Variants in EYA1 observed in about 807,000 individuals in gnomAD.
EYA1 encodes protein phosphatase EYA1.
Under a neutral mutation model 82.0 loss-of-function variants are expected in EYA1, and 16 were observed. That is an observed-to-expected ratio of 0.20 (90% CI 0.13 to 0.30). The LOEUF (loss-of-function observed/expected upper bound fraction) is 0.30, where lower values mean the gene tolerates loss of function less well. Among genes scored for constraint, EYA1 ranks in the 10% least tolerant of loss-of-function variants. EYA1 has a pLI of 1.00. For synonymous variants in EYA1, 261 were observed against 264.4 expected, an observed-to-expected ratio of 0.99 and a Z score of 0.12; for missense variants, 633 against 730.7, an observed-to-expected ratio of 0.87 and a Z score of 1.54.
Position 71,510,021 on chromosome 8 carries a change from C to A in EYA1, c.33+25723G>T, listed in dbSNP as rs139543855. 2.0e-5 allele frequency among the ~76,000 whole-genome samples: 3 copies of A among 150,708 alleles called. No individual in the cohort carries two copies. In the South Asian group the frequency reaches 6.3e-4, roughly 32 times the overall value. On this transcript the variant is annotated intron_variant, in intron 2 of 18. Coordinates refer to the EYA1 transcript ENST00000643681. ...GTTCTGTAATAATATAGTACCCTAC[C>A]CTCACACTATATATTATTTATTATT...
At chr8:71,508,784 C>T (rs1812384398) in intron 2 of EYA1, among the ~76,000 whole-genome samples, 1 of 152,120 alleles carries the variant, frequency 6.6e-6, no homozygotes, top group Non-Finnish European at 1.5e-5. Flanking sequence ...TTAAAGCCAC[C>T]TCATTTATGG....
intron 2 of EYA1, among the ~76,000 whole-genome samples, chr8:71,483,584 T>C (rs921037000): frequency 2.6e-5 from 4 of 151,946 alleles, no homozygotes; most frequent in African/African-American, 4.8e-5. Flanking sequence ...ACATTTTTTA[T>C]GTGGCCTCTG....
At chr8:71,309,975 C>T (rs774123857) in intron 7 of EYA1, among the ~76,000 whole-genome samples, 31 of 152,152 alleles carry the variant, frequency 2.0e-4, no homozygotes, top group Non-Finnish European at 4.3e-4. Flanking sequence ...GGAAAATAAA[C>T]AAAGCAGGGT....
At chr8:71,261,547 T>A (rs1002758736) in intron 11 of EYA1, among the ~76,000 whole-genome samples, 4 of 152,178 alleles carry the variant, frequency 2.6e-5, no homozygotes, top group African/African-American at 9.6e-5. Context: ...TGACACTCGA[T>A]TGTGTTAATT....
At chr8:71,497,208 A>G (rs1811478873) in intron 2 of EYA1, among the ~76,000 whole-genome samples, 1 of 152,228 alleles carries the variant, frequency 6.6e-6, no homozygotes, top group African/African-American at 2.4e-5. Flanking sequence ...AAGATAGCTG[A>G]TGAGCTAAAA....
chr8:71,440,034 G>A (rs1172741625), intron 2 of EYA1, among the ~76,000 whole-genome samples: 1 of 152,158 alleles, frequency 6.6e-6, no homozygotes, highest in East Asian at 1.9e-4. Context: ...ATGGCTTCTA[G>A]AGGTAGAGAT....
At chr8:71,310,570 A>G (rs530970471) in intron 7 of EYA1, among the ~76,000 whole-genome samples, 3 of 152,310 alleles carry the variant, frequency 2.0e-5, no homozygotes, top group Admixed American at 1.3e-4. Context: ...AGCTCCATCC[A>G]TGTTCCTGCA....
chr8:71,466,698 C>G (rs1290902610), intron 2 of EYA1, among the ~76,000 whole-genome samples: 1 of 151,972 alleles, frequency 6.6e-6, no homozygotes, highest in East Asian at 1.9e-4. Context: ...AAGTGGTTTT[C>G]TAAATTAAAT....
At chr8:71,314,113 T>C (rs1821645519) in intron 7 of EYA1, among the ~76,000 whole-genome samples, 1 of 152,104 alleles carries the variant, frequency 6.6e-6, no homozygotes, top group African/African-American at 2.4e-5. Flanking sequence ...TAAGATGAAA[T>C]TGATAAAAGC....
chr8:71,402,503 G>T (rs1187145940), intron 2 of EYA1, among the ~76,000 whole-genome samples: 2 of 152,174 alleles, frequency 1.3e-5, no homozygotes, highest in Admixed American at 6.5e-5. Flanking sequence ...CAAAAGAAAA[G>T]GCTTAATATT....
chr8:71,407,899 C>A (rs1830353137), intron 2 of EYA1, among the ~76,000 whole-genome samples: 1 of 149,878 alleles, frequency 6.7e-6, no homozygotes, highest in Non-Finnish European at 1.5e-5. Context: ...TTGAGAAGAG[C>A]AACTCCAAGA....
At chr8:71,432,039 T>G (rs183418372) in intron 2 of EYA1, among the ~76,000 whole-genome samples, 25 of 152,320 alleles carry the variant, frequency 1.6e-4, no homozygotes, top group Non-Finnish European at 3.4e-4. Context: ...ACACAAGATT[T>G]TCAAGATTTT....
chr8:71,412,042 T>C (rs2129141219), intron 2 of EYA1, among the ~76,000 whole-genome samples: 1 of 151,338 alleles, frequency 6.6e-6, no homozygotes, highest in African/African-American at 2.4e-5. Flanking sequence ...TGGAATACTA[T>C]GCAGCCATAA....
intron 3 of EYA1, among the ~76,000 whole-genome samples, chr8:71,339,700 G>C (rs369449231): frequency 3.3e-5 from 5 of 152,112 alleles, no homozygotes; most frequent in Admixed American, 3.3e-4. Flanking sequence ...CTTGAGCAGG[G>C]TTTAACCTAT....
chr8:71,392,590 A>G (rs979620872), intron 2 of EYA1, among the ~76,000 whole-genome samples: 1 of 152,198 alleles, frequency 6.6e-6, no homozygotes, highest in Non-Finnish European at 1.5e-5. Context: ...CTTGGCTGTC[A>G]CTGGAAATTT....
At chr8:71,213,833 C>T (rs1222456595) in intron 16 of EYA1, among the ~76,000 whole-genome samples, 6 of 152,148 alleles carry the variant, frequency 3.9e-5, no homozygotes, top group African/African-American at 9.7e-5. Flanking sequence ...AATCTTGTGT[C>T]GGCCTTCTTC....
At chr8:71,525,294 G>T (rs1813724774) in intron 2 of EYA1, among the ~76,000 whole-genome samples, 1 of 152,150 alleles carries the variant, frequency 6.6e-6, no homozygotes, top group African/African-American at 2.4e-5. Context: ...GGAGTACAAA[G>T]TCACAGAGTT....
intron 4 of EYA1, among the ~76,000 whole-genome samples, chr8:71,325,838 C>T (rs1480275987): frequency 6.6e-6 from 1 of 152,094 alleles, no homozygotes; most frequent in Non-Finnish European, 1.5e-5. Flanking sequence ...CTCTGTGTGG[C>T]CTGTAGTCAA....
At chr8:71,215,545 A>T in intron 15 of EYA1, 37 bp from the exon 16 acceptor site, 1 of 1,612,784 alleles carries the variant, frequency 6.2e-7, no homozygotes, top group South Asian at 1.1e-5. Flanking sequence ...CTGTTGAAAA[A>T]TAAATCTCCA....
Sources: gnomAD v4.1 joint callset for allele counts (sites outside exome capture counted in the v4.1 genomes callset) on GRCh38, gnomAD v4.1.1 for gene constraint, MANE v1.5 for transcripts, NCBI Gene and HGNC (gene_info 2026-07-23, HGNC 2026-07-21) for gene names.